The following GALNTL6 variants were observed in gnomAD, a reference collection of about 807,000 sequenced individuals.
GALNTL6 encodes polypeptide N-acetylgalactosaminyltransferase like 6.
A neutral mutation model predicts 73.7 loss-of-function variants in GALNTL6; 46 were observed. The observed-to-expected ratio is 0.62, with a 90% CI of 0.49 to 0.80. The LOEUF (loss-of-function observed/expected upper bound fraction) is 0.80. Among genes scored for constraint, GALNTL6 ranks in the 30% least tolerant of loss-of-function variants. GALNTL6 has a pLI of 0.00. For missense variants in GALNTL6, 604 were observed against 755.0 expected, an observed-to-expected ratio of 0.80 and a Z score of 2.34; for synonymous variants, 259 against 263.7, an observed-to-expected ratio of 0.98 and a Z score of 0.17.
intron 2 of GALNTL6, among the ~76,000 whole-genome samples, chr4:172,106,320 A>AG (rs1252024260): frequency 6.6e-6 from 1 of 152,170 alleles, no homozygotes; most frequent in Non-Finnish European, 1.5e-5. Flanking sequence ...TCTAGAATAG[A>AG]GGGTTTAGTG....
intron 5 of GALNTL6, among the ~76,000 whole-genome samples, chr4:172,743,286 A>G: frequency 6.6e-6 from 1 of 151,926 alleles, no homozygotes; most frequent in East Asian, 1.9e-4. Context: ...AGAGCCTTTT[A>G]TTTTTACCCC....
intron 5 of GALNTL6, among the ~76,000 whole-genome samples, chr4:172,766,341 C>T (rs1321035799): frequency 1.3e-5 from 2 of 152,098 alleles, no homozygotes; most frequent in African/African-American, 2.4e-5. Flanking sequence ...CAGTATTTCA[C>T]TTATTTGAAG....
intron 2 of GALNTL6, among the ~76,000 whole-genome samples, chr4:171,827,507 T>G (rs1262604793): frequency 2.0e-5 from 3 of 152,170 alleles, no homozygotes; most frequent in African/African-American, 7.2e-5. Flanking sequence ...CTCACAAGCC[T>G]TCAGAATTTC....
intron 5 of GALNTL6, among the ~76,000 whole-genome samples, chr4:172,370,553 C>T (rs557915571): frequency 6.7e-6 from 1 of 148,658 alleles, no homozygotes; most frequent in South Asian, 2.1e-4. Flanking sequence ...ATGGTGTGAA[C>T]CCAGGAGTCA....
chr4:171,886,311 T>C (rs773042596), intron 2 of GALNTL6, among the ~76,000 whole-genome samples: 2 of 152,302 alleles, frequency 1.3e-5, no homozygotes, highest in South Asian at 4.1e-4. Flanking sequence ...AACCAGTCAA[T>C]TCAGTCATAA....
chr4:172,454,392 G>T lies in GALNTL6; in HGVS notation c.553+105703G>T, dbSNP rs78684358. Among the ~76,000 whole-genome samples the T allele has an allele frequency of 2.4e-3, 369 of 152,250 alleles. 1 individual carries two copies. Among genetic ancestry groups the T allele is most frequent in the African/African-American group, 8.4e-3 (350 of 41,526 alleles). On this transcript the variant is annotated intron_variant, in intron 5 of 12. Coordinates refer to ENST00000506823, the MANE Select transcript of GALNTL6 (RefSeq NM_001034845.3). ...CTGGATACAATGCAATAGCTTCTAGGACCATTATGTCTCTGTTTCTCAAGT... is the reference window on the plus strand; with the variant it reads ...CTGGATACAATGCAATAGCTTCTAGTACCATTATGTCTCTGTTTCTCAAGT...
chr4:172,775,702 T>C (rs2110879949), intron 5 of GALNTL6, among the ~76,000 whole-genome samples: 1 of 152,318 alleles, frequency 6.6e-6, no homozygotes, highest in Non-Finnish European at 1.5e-5. Context: ...TCCTTTTGAA[T>C]GCAGGTAGAG....
At chr4:172,925,701 C>G (rs1207567852) in intron 8 of GALNTL6, among the ~76,000 whole-genome samples, 6 of 152,136 alleles carry the variant, frequency 3.9e-5, no homozygotes, top group African/African-American at 1.4e-4. Flanking sequence ...CCTAAGTAAA[C>G]TTGAAAGCAG....
At chr4:172,212,872 T>C (rs1166561498) in intron 2 of GALNTL6, among the ~76,000 whole-genome samples, 1 of 151,698 alleles carries the variant, frequency 6.6e-6, no homozygotes, top group Non-Finnish European at 1.5e-5. Context: ...GGTTTCTCCA[T>C]GTTGGTCAGG....
intron 5 of GALNTL6, among the ~76,000 whole-genome samples, chr4:172,543,853 C>T (rs1200428380): frequency 6.6e-6 from 1 of 152,190 alleles, no homozygotes; most frequent in Admixed American, 6.5e-5. Flanking sequence ...TAATGCAATG[C>T]TTGCACAATA....
chr4:172,321,027 A>AGT (rs1481467094), intron 4 of GALNTL6, among the ~76,000 whole-genome samples: 11 of 152,220 alleles, frequency 7.2e-5, no homozygotes, highest in African/African-American at 2.7e-4. Context: ...TTGGAGAGAG[A>AGT]GTGAGACCAT....
At chr4:172,018,000 A>G (rs961405821) in intron 2 of GALNTL6, among the ~76,000 whole-genome samples, 1 of 151,568 alleles carries the variant, frequency 6.6e-6, no homozygotes, top group Admixed American at 6.6e-5. Context: ...TCCTGTTTAT[A>G]CTAGCAGTGA....
At chr4:171,902,663 G>T (rs545262465) in intron 2 of GALNTL6, among the ~76,000 whole-genome samples, 10 of 152,260 alleles carry the variant, frequency 6.6e-5, no homozygotes, top group African/African-American at 2.2e-4. Context: ...GAAGCGAAGT[G>T]AATATGATAT....
chr4:172,916,494 A>C (rs997885982), intron 8 of GALNTL6, among the ~76,000 whole-genome samples: 2 of 152,160 alleles, frequency 1.3e-5, no homozygotes, highest in African/African-American at 2.4e-5. Context: ...ATATTTAGAA[A>C]ACCCCATTGT....
intron 2 of GALNTL6, among the ~76,000 whole-genome samples, chr4:172,081,989 G>A (rs538770764): frequency 9.3e-5 from 14 of 151,060 alleles, no homozygotes; most frequent in South Asian, 2.1e-4. Context: ...CTATTCTCCC[G>A]CCTCAGCCTC....
intron 10 of GALNTL6, among the ~76,000 whole-genome samples, chr4:172,986,919 A>G (rs1349042705): frequency 4.6e-5 from 7 of 152,208 alleles, no homozygotes; most frequent in African/African-American, 9.6e-5. Flanking sequence ...TGGAAGAAAA[A>G]TTTGTAAGCA....
At chr4:172,734,301 C>T (rs1736322667) in intron 5 of GALNTL6, among the ~76,000 whole-genome samples, 1 of 152,186 alleles carries the variant, frequency 6.6e-6, no homozygotes, top group Non-Finnish European at 1.5e-5. Flanking sequence ...CAATTCAAGT[C>T]AGCTGCAGAA....
chr4:172,021,958 T>C (rs1484398909), intron 2 of GALNTL6, among the ~76,000 whole-genome samples: 2 of 151,944 alleles, frequency 1.3e-5, no homozygotes, highest in African/African-American at 2.4e-5. Flanking sequence ...AATATTTAAA[T>C]CTAAGACCTC....
intron 5 of GALNTL6, among the ~76,000 whole-genome samples, chr4:172,476,934 T>A (rs1456921508): frequency 7.1e-6 from 1 of 141,392 alleles, no homozygotes; most frequent in Non-Finnish European, 1.6e-5. Context: ...TTTTTTTTTT[T>A]TTTTTTTTGA....
Sources: gnomAD v4.1 joint callset for allele counts (sites outside exome capture counted in the v4.1 genomes callset) on GRCh38, gnomAD v4.1.1 for gene constraint, MANE v1.5 for transcripts, NCBI Gene and HGNC (gene_info 2026-07-23, HGNC 2026-07-21) for gene names.